Variants in SORCS2 observed in about 807,000 individuals in gnomAD.
SORCS2 encodes the protein VPS10 domain-containing receptor SorCS2.
A neutral mutation model predicts 141.6 loss-of-function variants in SORCS2; 100 were observed. That is an observed-to-expected ratio of 0.71 (90% CI 0.60 to 0.83). The LOEUF (loss-of-function observed/expected upper bound fraction) is 0.83. Ranked by LOEUF, SORCS2 falls within the 40% of genes least tolerant of loss-of-function variation. The pLI, the probability that SORCS2 is intolerant of heterozygous loss-of-function variation, is 0.00. For synonymous variants in SORCS2, 789 were observed against 676.9 expected (o/e 1.17, Z -2.57); for missense variants, 1,646 against 1,560.2 (o/e 1.05, Z -0.93).
At chr4:7,265,031 C>G (rs1714629260) in intron 1 of SORCS2, among the ~76,000 whole-genome samples, 1 of 152,266 alleles carries the variant, frequency 6.6e-6, no homozygotes, top group South Asian at 2.1e-4. Flanking sequence ...CGCCCTGGCG[C>G]CAGGCTTCCC....
chr4:7,724,304 A>ATGGTGGTGG (rs201900230), intron 19 of SORCS2, among the ~76,000 whole-genome samples: 1 of 125,542 alleles, frequency 8.0e-6, no homozygotes, highest in African/African-American at 3.5e-5. Context: ...AATGGTGACA[A>ATGGTGGTGG]TGGTGGTGGT....
intron 5 of SORCS2, among the ~76,000 whole-genome samples, chr4:7,655,836 G>A (rs1293856151): frequency 2.0e-5 from 3 of 152,198 alleles, no homozygotes; most frequent in Non-Finnish European, 2.9e-5. Context: ...GTTCACTCCC[G>A]GGCCAGGCCG....
chr4:7,333,976 C>T (rs1364337745), intron 1 of SORCS2, among the ~76,000 whole-genome samples: 1 of 152,060 alleles, frequency 6.6e-6, no homozygotes, highest in African/African-American at 2.4e-5. Flanking sequence ...CCTCCATACT[C>T]AGCTGGGGAC....
In SORCS2 at chr4:7,724,868, G is replaced by A. The variant is rs201327897; in HGVS notation, c.2612-286G>A. Among the ~76,000 whole-genome samples, 76 of 101,518 alleles carry A rather than the reference G, an allele frequency of 7.5e-4. 11 individuals are homozygous for A. The highest frequency in any genetic ancestry group is 1.9e-3 in the South Asian group (6 of 3,104). 66.6% of individuals were successfully genotyped at this position (101,518 alleles called of 152,430 possible). ...GATGGTGGTAGTGGTGATGGTGGTG[G>A]TAGTGGTGATGGTGGTGGTGTTGGT... is the stretch of plus-strand genomic sequence containing the variant. On this transcript the variant is annotated intron_variant, in intron 19 of 26. Transcript: ENST00000507866.
At chr4:7,694,085 T>C (rs1419882073) in intron 11 of SORCS2, among the ~76,000 whole-genome samples, 1 of 152,118 alleles carries the variant, frequency 6.6e-6, no homozygotes, top group East Asian at 1.9e-4. Flanking sequence ...TGGTGAAGTG[T>C]GGGTGGGGTA....
At chr4:7,343,005 A>G (rs1720448310) in intron 1 of SORCS2, among the ~76,000 whole-genome samples, 1 of 152,162 alleles carries the variant, frequency 6.6e-6, no homozygotes, top group Non-Finnish European at 1.5e-5. Context: ...GGCTGCAGAC[A>G]GGCCTGGGAA....
intron 1 of SORCS2, among the ~76,000 whole-genome samples, chr4:7,281,429 G>C (rs535970471): frequency 6.6e-6 from 1 of 152,114 alleles, no homozygotes; most frequent in East Asian, 1.9e-4. Flanking sequence ...CTGCGCTCTG[G>C]AGACCTTGCC....
In SORCS2 at chr4:7,741,194, T is replaced by C. The variant is rs73080582; in HGVS notation, c.*930T>C. 1.8e-3 allele frequency: 737 copies of C among 398,724 alleles called. 7 individuals carry two copies. The highest frequency in any genetic ancestry group is 0.014 in the African/African-American group (687 of 48,720). 24.7% of individuals were successfully genotyped at this position (398,724 alleles called of 1,614,324 possible). On this transcript the variant is annotated 3_prime_UTR_variant, in exon 27 of 27. Transcript: ENST00000507866. The stretch of plus-strand genomic sequence containing the variant: ...GATGTACCAGTTTTCTGCAGTTCCT[T>C]ATAGGCGAAGGGAACCGGGTGGAAA...
intron 3 of SORCS2, among the ~76,000 whole-genome samples, chr4:7,573,942 G>A (rs759871548): frequency 9.2e-5 from 14 of 152,320 alleles, no homozygotes; most frequent in Middle Eastern, 3.4e-3. Context: ...GCTGGCACAC[G>A]CGTCCACTCA....
At chr4:7,345,434 C>G (rs187456340) in intron 1 of SORCS2, among the ~76,000 whole-genome samples, 1 of 152,166 alleles carries the variant, frequency 6.6e-6, no homozygotes, top group African/African-American at 2.4e-5. Context: ...AGTTTACAAA[C>G]GAGGTCATGG....
intron 1 of SORCS2, among the ~76,000 whole-genome samples, chr4:7,344,026 C>T (rs1378322874): frequency 2.0e-5 from 3 of 152,194 alleles, no homozygotes; most frequent in Non-Finnish European, 4.4e-5. Context: ...ATCCAAGTTG[C>T]CCCAAGATGT....
chr4:7,732,385 G>C (rs1278488260), intron 23 of SORCS2, among the ~76,000 whole-genome samples: 1 of 152,178 alleles, frequency 6.6e-6, no homozygotes, highest in Non-Finnish European at 1.5e-5. Flanking sequence ...GAGGGGCCGG[G>C]AGGGAGTGAG....
In SORCS2 at chr4:7,239,006, C is replaced by T. The variant is rs371338844; in HGVS notation, c.480+45880C>T. Reference sequence around the variant, plus strand: ...ACCACTGGGAGCACTAGGCATGGCCCACGTCCCTGTGGAGTTCAGCAGGGA... The same window carrying T: ...ACCACTGGGAGCACTAGGCATGGCCTACGTCCCTGTGGAGTTCAGCAGGGA... On this transcript the variant is annotated intron_variant, in intron 1 of 26. Coordinates refer to ENST00000507866, the MANE Select transcript of SORCS2 (RefSeq NM_020777.3). Among the ~76,000 whole-genome samples the T allele has an allele frequency of 5.3e-5, 8 of 152,238 alleles. No individual in the cohort carries two copies. The East Asian group carries it at 1.3e-3, about 26-fold the overall frequency.
At chr4:7,344,884 C>T (rs1033172974) in intron 1 of SORCS2, among the ~76,000 whole-genome samples, 6 of 152,152 alleles carry the variant, frequency 3.9e-5, no homozygotes, top group African/African-American at 1.2e-4. Context: ...CACAGTGGAT[C>T]GGAGGGGGAG....
At chr4:7,483,137 G>A (rs141308602) in intron 2 of SORCS2, among the ~76,000 whole-genome samples, 1,734 of 152,046 alleles carry the variant, frequency 0.011, 12 homozygotes, top group Non-Finnish European at 0.019. Context: ...TGGCTAACAC[G>A]GTGAAACCCC....
chr4:7,708,691 G>A (rs866647895), intron 14 of SORCS2, among the ~76,000 whole-genome samples: 22 of 152,166 alleles, frequency 1.4e-4, no homozygotes, highest in Admixed American at 9.8e-4. Flanking sequence ...TTTAGTGAGC[G>A]CCCCACTGCA....
chr4:7,341,264 C>T (rs990284598), intron 1 of SORCS2, among the ~76,000 whole-genome samples: 1 of 152,162 alleles, frequency 6.6e-6, no homozygotes, highest in African/African-American at 2.4e-5. Context: ...TGTTCCAGCC[C>T]CTGGGCCTTT....
At chr4:7,602,576 G>A (rs1361499500) in intron 3 of SORCS2, among the ~76,000 whole-genome samples, 10 of 149,554 alleles carry the variant, frequency 6.7e-5, no homozygotes, top group African/African-American at 9.9e-5. Flanking sequence ...CCGGGAAGAG[G>A]CGCTCCTCAC....
chr4:7,550,130 G>GTA (rs1236161936), intron 3 of SORCS2, among the ~76,000 whole-genome samples: 7 of 61,918 alleles, frequency 1.1e-4, no homozygotes, highest in African/African-American at 3.0e-4. Context: ...GTGTATGTGT[G>GTA]TATGTGTGTG....
Sources: allele counts gnomAD v4.1 joint callset (sites outside exome capture counted in the v4.1 genomes callset), GRCh38; gene constraint gnomAD v4.1.1; transcripts MANE v1.5; gene names NCBI Gene and HGNC (gene_info 2026-07-23, HGNC 2026-07-21).